The following DYDC2 variants were observed in gnomAD, a reference collection of about 807,000 sequenced individuals.
The protein encoded by DYDC2 is DPY30 domain containing 2, also known as DPY30 domain-containing protein 2.
Under a neutral mutation model 18.7 loss-of-function variants are expected in DYDC2, and 19 were observed. The observed-to-expected ratio is 1.02, with a 90% CI of 0.71 to 1.49. The LOEUF is 1.49. Among genes scored for constraint, DYDC2 ranks in the 40% most tolerant of loss-of-function variants. The probability of loss-of-function intolerance (pLI) is 0.00; values close to 1 mark genes in which losing one functional copy is unlikely to be tolerated. For synonymous variants in DYDC2, 63 were observed against 67.6 expected (o/e 0.93, Z 0.34); for missense variants, 179 against 205.1 (o/e 0.87, Z 0.78).
upstream of DYDC2, among the ~76,000 whole-genome samples, chr10:80,355,285 G>A (rs72815343): frequency 1.5e-3 from 235 of 151,696 alleles, no homozygotes; most frequent in Non-Finnish European, 2.7e-3. Context: ...CCTGGGGTCC[G>A]TCCATAACCC....
chr10:80,346,476 T>TTTTTTTTTTTTTTTTC (rs1193935552), intron 1 of DYDC2, among the ~76,000 whole-genome samples: 1 of 141,408 alleles, frequency 7.1e-6, no homozygotes, highest in African/African-American at 2.7e-5. Context: ...TTTTTTCTTT[T>TTTTTTTTTTTTTTTTC]TTGAGACGGA....
chr10:80,352,099 G>C, upstream of DYDC2: 3 of 1,137,262 alleles, frequency 2.6e-6, no homozygotes, highest in East Asian at 7.1e-5. Flanking sequence ...ATTAGGGAAA[G>C]TGTTAAGCAA....
chr10:80,357,838 G>A (rs1344511513), intron 1 of DYDC2, 55 bp from the exon 2 acceptor site: 3 of 985,406 alleles, frequency 3.0e-6, no homozygotes, highest in African/African-American at 3.5e-5. Context: ...TCAAAGGGAA[G>A]CATGAGGGCA....
Position 80,362,598 on chromosome 10 carries a change from T to A in DYDC2, c.147+8T>A, listed in dbSNP as rs1489107287. ...GCAAAAGCAAAAGAAGAGGTGTGTA[T>A]GTGCACTGGGACTTAGGGAGGGCCC... On this transcript the variant is annotated splice_region_variant and intron_variant, in intron 3 of 4. Coordinates refer to ENST00000256039, the MANE Select transcript of DYDC2 (RefSeq NM_032372.6). 5 of 1,600,108 alleles carry A rather than the reference T, an allele frequency of 3.1e-6. No homozygotes were observed. The Admixed American group carries it at 6.7e-5, about 22-fold the overall frequency.
In DYDC2 at chr10:80,362,615, G is replaced by A. The variant is rs768674953; in HGVS notation, c.147+25G>A. On this transcript the variant is annotated intron_variant, in intron 3 of 4. Coordinates refer to ENST00000256039, the MANE Select transcript of DYDC2 (RefSeq NM_032372.6). ...GGTGTGTATGTGCACTGGGACTTAG[G>A]GAGGGCCCAGCTTTCCCAGAGTAAT... 4 of 1,577,248 alleles carry A rather than the reference G, an allele frequency of 2.5e-6. No homozygotes were observed. In the East Asian group the frequency reaches 6.8e-5, roughly 27 times the overall value.
In DYDC2 at chr10:80,357,880, G is replaced by C. The variant is rs1203346485; in HGVS notation, c.-162-13G>C. On this transcript the variant is annotated splice_polypyrimidine_tract_variant and intron_variant, in intron 1 of 4. Transcript: ENST00000256039. ...AGAACTCTCTCAATGAATAAGTCAA[G>C]AAATATTTACAGAGCTCCCAGTGTG... 1 of 985,324 alleles carries C rather than the reference G, an allele frequency of 1.0e-6. No homozygotes were observed. The allele number at this position is 985,324 out of a possible 1,614,324, so 61.0% of individuals were successfully genotyped here.
chr10:80,357,692 T>C (rs1843473392), intron 1 of DYDC2, among the ~76,000 whole-genome samples: 1 of 152,118 alleles, frequency 6.6e-6, no homozygotes, highest in African/African-American at 2.4e-5. Flanking sequence ...CTTGCAGTCT[T>C]CCCTGGCCTA....
intron 1 of DYDC2, 47 bp from the exon 2 acceptor site, chr10:80,357,846 G>A: frequency 1.0e-6 from 1 of 985,514 alleles, no homozygotes; most frequent in Non-Finnish European, 1.2e-6. Context: ...AAGCATGAGG[G>A]CAGGTGGCAG....
upstream of DYDC2, among the ~76,000 whole-genome samples, chr10:80,355,594 T>C (rs1843316092): frequency 6.6e-6 from 1 of 152,112 alleles, no homozygotes; most frequent in Non-Finnish European, 1.5e-5. Context: ...GTTCATCAAA[T>C]TGGGGATTAA....
intron 1 of DYDC2, among the ~76,000 whole-genome samples, chr10:80,346,287 C>T (rs1242891997): frequency 6.6e-6 from 1 of 152,090 alleles, no homozygotes; most frequent in Non-Finnish European, 1.5e-5. Context: ...TGAATATATA[C>T]TGAGAAGAGG....
chr10:80,359,485 C>T (rs1198349886), intron 2 of DYDC2, among the ~76,000 whole-genome samples: 3 of 152,230 alleles, frequency 2.0e-5, no homozygotes, highest in Admixed American at 6.5e-5. Flanking sequence ...GCCAGTCCCA[C>T]GTAGTGTGCC....
At chr10:80,352,657 G>GTCAC, upstream of DYDC2, 1 of 1,559,610 alleles carries the variant, frequency 6.4e-7, no homozygotes, top group South Asian at 1.2e-5. Flanking sequence ...TTTCAATAAA[G>GTCAC]TCACTATAAA....
intron 1 of DYDC2, 143 bp from the exon 2 acceptor site, chr10:80,357,750 G>A: frequency 1.0e-6 from 1 of 972,032 alleles, no homozygotes; most frequent in Non-Finnish European, 1.2e-6. Context: ...TTCAGCTTAT[G>A]GGCGGGGCAG....
upstream of DYDC2, among the ~76,000 whole-genome samples, chr10:80,353,870 T>A (rs533750082): frequency 6.6e-6 from 1 of 152,008 alleles, no homozygotes; most frequent in Non-Finnish European, 1.5e-5. Context: ...GACTTGAGAG[T>A]CCTTCAGGAT....
intron 1 of DYDC2, among the ~76,000 whole-genome samples, chr10:80,348,689 G>C (rs1842806344): frequency 6.6e-6 from 1 of 152,158 alleles, no homozygotes; most frequent in South Asian, 2.1e-4. Context: ...CCTTCAGTTG[G>C]AAGTGGCTAT....
upstream of DYDC2, chr10:80,356,686 A>C (rs1043765302): frequency 4.1e-6 from 4 of 984,160 alleles, no homozygotes; most frequent in Non-Finnish European, 4.8e-6. Context: ...TCCCAAAAAC[A>C]GTTCGGGCCT....
At position 80,362,597 on chromosome 10, in the gene DYDC2, A is replaced by T; in HGVS notation, c.147+7A>T. On this transcript the variant is annotated splice_region_variant and intron_variant, in intron 3 of 4. Transcript: ENST00000256039. ...AGCAAAAGCAAAAGAAGAGGTGTGT[A>T]TGTGCACTGGGACTTAGGGAGGGCC... 6.2e-7 allele frequency: 1 copy of T among 1,601,252 alleles called. No individual in the cohort carries two copies. Among genetic ancestry groups the T allele is most frequent in the South Asian group, 1.1e-5 (1 of 90,172 alleles).
chr10:80,359,880 C>T (rs1843612142), intron 2 of DYDC2, among the ~76,000 whole-genome samples: 1 of 152,184 alleles, frequency 6.6e-6, no homozygotes, highest in African/African-American at 2.4e-5. Flanking sequence ...TCCCTCCACA[C>T]CTCCCTGCAA....
At chr10:80,346,836 A>T (rs569538544) in intron 1 of DYDC2, among the ~76,000 whole-genome samples, 1 of 151,792 alleles carries the variant, frequency 6.6e-6, no homozygotes, top group East Asian at 2.0e-4. Context: ...ACACTTTGGG[A>T]GGCCGAGGTG....
Sources: gnomAD v4.1 joint callset for allele counts (sites outside exome capture counted in the v4.1 genomes callset) on GRCh38, gnomAD v4.1.1 for gene constraint, MANE v1.5 for transcripts, NCBI Gene and HGNC (gene_info 2026-07-23, HGNC 2026-07-21) for gene names.